PRKCA: variants seen among roughly 807,000 people sequenced by gnomAD.
The protein encoded by PRKCA is protein kinase C alpha type.
PRKCA carries 27 observed loss-of-function variants against 87.0 expected under a neutral mutation model. The ratio of observed to expected loss-of-function variants is 0.31; its 90% CI spans 0.23 to 0.43. PRKCA has a LOEUF of 0.43. Among genes scored for constraint, PRKCA ranks in the 20% least tolerant of loss-of-function variants. The pLI is 1.00. For synonymous variants in PRKCA, 329 were observed against 311.1 expected, an observed-to-expected ratio of 1.06 and a Z score of -0.61; for missense variants, 518 against 852.3, an observed-to-expected ratio of 0.61 and a Z score of 4.88.
chr17:66,615,312 C>G (rs1032181507), intron 3 of PRKCA, among the ~76,000 whole-genome samples: 15 of 152,010 alleles, frequency 9.9e-5, no homozygotes, highest in African/African-American at 3.6e-4. Flanking sequence ...AATGAGGGTT[C>G]TCTTATGAAG....
chr17:66,539,279 T>C (rs900954555), intron 3 of PRKCA, among the ~76,000 whole-genome samples: 1 of 152,240 alleles, frequency 6.6e-6, no homozygotes, highest in African/African-American at 2.4e-5. Flanking sequence ...GAGGATATTG[T>C]TCTGCTGTGA....
chr17:66,430,474 G>A (rs1913043497), intron 2 of PRKCA, among the ~76,000 whole-genome samples: 1 of 151,918 alleles, frequency 6.6e-6, no homozygotes, highest in Admixed American at 6.5e-5. Context: ...TTCGTGGTAA[G>A]CCATCTGAGG....
intron 3 of PRKCA, among the ~76,000 whole-genome samples, chr17:66,587,899 A>G (rs76551722): frequency 0.062 from 2,350 of 37,930 alleles, 343 homozygotes; most frequent in African/African-American, 0.26. Flanking sequence ...GTGTGTGTAT[A>G]TATATATATA....
chr17:66,656,500 T>TA lies in PRKCA; in HGVS notation c.529+10991dup, dbSNP rs1217434226. On this transcript the variant is annotated intron_variant, in intron 5 of 16. Transcript: ENST00000413366. Reference sequence around the variant, plus strand: ...TAGGATTATCATTTAAGCACAAGATTAATTGCTGTGAAATTATTGCAAGGA... The same window carrying TA: ...TAGGATTATCATTTAAGCACAAGATTAAATTGCTGTGAAATTATTGCAAGGA... Among the ~76,000 whole-genome samples the TA allele has an allele frequency of 1.3e-3, 190 of 148,606 alleles. 4 individuals are homozygous for TA. The highest frequency in any genetic ancestry group is 0.013 in the Admixed American group (188 of 14,714).
chr17:66,368,119 A>T (rs1369697993), intron 2 of PRKCA, among the ~76,000 whole-genome samples: 2 of 152,022 alleles, frequency 1.3e-5, no homozygotes, highest in Admixed American at 6.6e-5. Flanking sequence ...CTACCAGAAC[A>T]TCTGTGTAAG....
intron 3 of PRKCA, among the ~76,000 whole-genome samples, chr17:66,508,878 A>G (rs78176842): frequency 6.6e-6 from 1 of 151,518 alleles, no homozygotes; most frequent in Non-Finnish European, 1.5e-5. Context: ...GTGATTATGC[A>G]CTCTCTTGCT....
At chr17:66,454,461 C>A (rs1045156469) in intron 2 of PRKCA, among the ~76,000 whole-genome samples, 5 of 152,104 alleles carry the variant, frequency 3.3e-5, no homozygotes, top group African/African-American at 1.2e-4. Context: ...TTGGAGAAGG[C>A]AGGATCTGGG....
At chr17:66,327,802 T>C (rs1274500195) in intron 2 of PRKCA, among the ~76,000 whole-genome samples, 1 of 152,212 alleles carries the variant, frequency 6.6e-6, no homozygotes, top group Admixed American at 6.5e-5. Context: ...TTTAGGTGAC[T>C]ATTCAACAGA....
chr17:66,727,210 T>A (rs1390344793), intron 8 of PRKCA, among the ~76,000 whole-genome samples: 1 of 151,566 alleles, frequency 6.6e-6, no homozygotes, highest in Non-Finnish European at 1.5e-5. Context: ...GTGAAAAATA[T>A]GGAGATTTAT....
chr17:66,322,665 G>T (rs1190467827), intron 2 of PRKCA, among the ~76,000 whole-genome samples: 7 of 149,218 alleles, frequency 4.7e-5, no homozygotes, highest in African/African-American at 1.7e-4. Context: ...GTAGAGATGG[G>T]GTCTTGCTAT....
At chr17:66,795,015 T>G (rs1975634652) in intron 16 of PRKCA, among the ~76,000 whole-genome samples, 1 of 152,226 alleles carries the variant, frequency 6.6e-6, no homozygotes. Flanking sequence ...CTTTTCATTT[T>G]TTTTGCCATT....
intron 3 of PRKCA, among the ~76,000 whole-genome samples, chr17:66,505,678 G>A (rs1474107370): frequency 6.6e-6 from 1 of 152,160 alleles, no homozygotes; most frequent in East Asian, 1.9e-4. Flanking sequence ...GAGGTGGGTA[G>A]AATTGTTTTT....
At chr17:66,579,366 G>A (rs569072165) in intron 3 of PRKCA, among the ~76,000 whole-genome samples, 3 of 152,246 alleles carry the variant, frequency 2.0e-5, no homozygotes, top group Non-Finnish European at 2.9e-5. Flanking sequence ...AGATGTTTCC[G>A]GAACCTGCGA....
In PRKCA at chr17:66,741,545, A is replaced by G. The variant is rs1473826696; in HGVS notation, c.1323-114A>G. The G allele has an allele frequency of 6.2e-6, 7 of 1,124,282 alleles. 1 individual carries two copies. The highest frequency in any genetic ancestry group is 2.0e-4 in the Middle Eastern group (1 of 4,996). 69.6% of individuals were successfully genotyped at this position (1,124,282 alleles called of 1,614,324 possible). On this transcript the variant is annotated intron_variant, in intron 11 of 16. Transcript: ENST00000413366. ...TGGAAGAACACGATGCTGGTCTCTG[A>G]GAGCCTCTGGGTCTGACATTCTTTT...
chr17:66,580,046 C>G (rs535573456), intron 3 of PRKCA, among the ~76,000 whole-genome samples: 44 of 152,272 alleles, frequency 2.9e-4, no homozygotes, highest in African/African-American at 1.0e-3. Context: ...TCCTCATGCA[C>G]AGGCGGCTTT....
chr17:66,673,432 GT>G (rs1972246387), intron 5 of PRKCA, among the ~76,000 whole-genome samples: 1 of 152,196 alleles, frequency 6.6e-6, no homozygotes. Context: ...ATGTCCCTCA[GT>G]CCAGGTTTGT....
chr17:66,708,153 G>C (rs1973233878), intron 8 of PRKCA, among the ~76,000 whole-genome samples: 1 of 152,246 alleles, frequency 6.6e-6, no homozygotes, highest in African/African-American at 2.4e-5. Flanking sequence ...GGCCGACCAA[G>C]TGGGGCCATA....
At chr17:66,737,651 G>A (rs1203248472) in intron 10 of PRKCA, among the ~76,000 whole-genome samples, 3 of 152,192 alleles carry the variant, frequency 2.0e-5, no homozygotes, top group Non-Finnish European at 4.4e-5. Flanking sequence ...CAGTGGCCGC[G>A]GAGTCAGGCG....
chr17:66,519,280 T>C (rs1230067729), intron 3 of PRKCA, among the ~76,000 whole-genome samples: 1 of 152,138 alleles, frequency 6.6e-6, no homozygotes, highest in African/African-American at 2.4e-5. Context: ...TAGATGGAAA[T>C]TGGCTCCTGG....
Sources: gnomAD v4.1 joint callset for allele counts (sites outside exome capture counted in the v4.1 genomes callset) on GRCh38, gnomAD v4.1.1 for gene constraint, MANE v1.5 for transcripts, NCBI Gene and HGNC (gene_info 2026-07-23, HGNC 2026-07-21) for gene names.